MEMO1: variants seen among roughly 807,000 people sequenced by gnomAD.
The protein encoded by MEMO1 is protein MEMO1.
Under a neutral mutation model 45.2 loss-of-function variants are expected in MEMO1, and 6 were observed. That is an observed-to-expected ratio of 0.13 (90% CI 0.07 to 0.26). The LOEUF is 0.26. Among genes scored for constraint, MEMO1 ranks in the 10% least tolerant of loss-of-function variants. The pLI is 1.00. For missense variants in MEMO1, 184 were observed against 370.5 expected (o/e 0.50, Z 4.13); for synonymous variants, 78 against 124.3 (o/e 0.63, Z 2.48).
intron 3 of MEMO1, among the ~76,000 whole-genome samples, chr2:31,941,979 C>A (rs1377585702): frequency 6.6e-6 from 1 of 152,126 alleles, no homozygotes; most frequent in Admixed American, 6.5e-5. Flanking sequence ...AGGGCATGAA[C>A]CTTAACCCAA....
intron 2 of MEMO1, among the ~76,000 whole-genome samples, chr2:32,006,270 T>C (rs1008992686): frequency 6.6e-6 from 1 of 152,228 alleles, no homozygotes; most frequent in Non-Finnish European, 1.5e-5. Context: ...GGGATAGGAC[T>C]GGCAGAAGGA....
intron 2 of MEMO1, among the ~76,000 whole-genome samples, chr2:31,989,109 G>A (rs1188502376): frequency 6.6e-6 from 1 of 152,096 alleles, no homozygotes; most frequent in East Asian, 1.9e-4. Context: ...AGGAGGCTGA[G>A]GCAGGGGAAT....
At chr2:31,906,757 A>C (rs1403355643) in intron 6 of MEMO1, among the ~76,000 whole-genome samples, 1 of 152,180 alleles carries the variant, frequency 6.6e-6, no homozygotes. Flanking sequence ...ATCTGGTTCC[A>C]ATCTATTTTC....
chr2:31,912,293 G>A (rs935918976), intron 6 of MEMO1, among the ~76,000 whole-genome samples: 1 of 151,980 alleles, frequency 6.6e-6, no homozygotes, highest in Non-Finnish European at 1.5e-5. Context: ...CCAAGGTTGT[G>A]CCATGCCACT....
chr2:31,934,084 G>C (rs1664622316), intron 3 of MEMO1, among the ~76,000 whole-genome samples: 1 of 152,084 alleles, frequency 6.6e-6, no homozygotes, highest in African/African-American at 2.4e-5. Flanking sequence ...AAACCAGCTG[G>C]TCCATCTGGA....
chr2:32,009,988 G>T (rs972969980), intron 2 of MEMO1, among the ~76,000 whole-genome samples, 199 bp downstream of exon 2: 1 of 150,480 alleles, frequency 6.6e-6, no homozygotes, highest in Non-Finnish European at 1.5e-5. Flanking sequence ...CTGCCGGCGC[G>T]GGATGCCCGC....
At chr2:31,967,164 C>G (rs1290462026) in intron 2 of MEMO1, among the ~76,000 whole-genome samples, 2 of 150,868 alleles carry the variant, frequency 1.3e-5, no homozygotes, top group African/African-American at 4.9e-5. Context: ...CGCTTTGTTG[C>G]CCAGGCTGGA....
intron 5 of MEMO1, among the ~76,000 whole-genome samples, chr2:31,920,522 C>CT (rs1450532334): frequency 6.6e-6 from 1 of 152,092 alleles, no homozygotes; most frequent in Non-Finnish European, 1.5e-5. Context: ...TCCTGGTACA[C>CT]TGAGTACATG....
intron 8 of MEMO1, among the ~76,000 whole-genome samples, chr2:31,870,251 T>A (rs977352630): frequency 6.6e-6 from 1 of 152,032 alleles, no homozygotes; most frequent in Non-Finnish European, 1.5e-5. Flanking sequence ...TCCTCAAACA[T>A]TTCATAATAT....
Position 32,001,088 on chromosome 2 carries a change from G to A in MEMO1, c.61+9099C>T, listed in dbSNP as rs568926749. 1.8e-3 allele frequency among the ~76,000 whole-genome samples: 262 copies of A among 148,232 alleles called. 1 individual carries two copies. Among genetic ancestry groups the A allele is most frequent in the Non-Finnish European group, 2.7e-3 (181 of 67,406 alleles). ...GAGTCTCGCTCTCTCACCCAGGCGG[G>A]AGTGCAGTGGCGCAATCTCGGCTCA... On this transcript the variant is annotated intron_variant, in intron 2 of 9. Coordinates refer to ENST00000404530, the MANE Select transcript of MEMO1 (RefSeq NM_001301833.4).
chr2:31,924,082 G>C (rs537583739), intron 4 of MEMO1, among the ~76,000 whole-genome samples: 43 of 149,416 alleles, frequency 2.9e-4, no homozygotes, highest in Admixed American at 1.7e-3. Context: ...AAGAAAAAAA[G>C]GTTTAAGTCC....
chr2:31,987,253 C>A (rs1208311862), intron 2 of MEMO1, among the ~76,000 whole-genome samples: 1 of 152,162 alleles, frequency 6.6e-6, no homozygotes, highest in Non-Finnish European at 1.5e-5. Context: ...CCCACCTCAG[C>A]CCCCCACACT....
intron 8 of MEMO1, among the ~76,000 whole-genome samples, chr2:31,871,025 C>T (rs1673634174): frequency 6.6e-6 from 1 of 152,172 alleles, no homozygotes; most frequent in Non-Finnish European, 1.5e-5. Context: ...ATGACTTGAA[C>T]ATTAGTTTAC....
At chr2:32,000,058 T>A (rs1673092619) in intron 2 of MEMO1, among the ~76,000 whole-genome samples, 1 of 151,902 alleles carries the variant, frequency 6.6e-6, no homozygotes, top group Admixed American at 6.6e-5. Context: ...CTAATTTTTT[T>A]ATTTTTTGTA....
intron 2 of MEMO1, among the ~76,000 whole-genome samples, chr2:31,952,742 A>G (rs1340434274): frequency 6.6e-6 from 1 of 152,224 alleles, no homozygotes; most frequent in African/African-American, 2.4e-5. Context: ...AAGCATGCTC[A>G]GTACAGAAAA....
In MEMO1 at chr2:31,923,673, T is replaced by C. The variant is rs1003382049; in HGVS notation, c.213-2763A>G. On this transcript the variant is annotated intron_variant, in intron 4 of 9. Coordinates refer to ENST00000404530, the MANE Select transcript of MEMO1 (RefSeq NM_001301833.4). The stretch of plus-strand genomic sequence containing the variant: ...ATAATGAGAAAGGGCATTTTTCTGA[T>C]TGAGGAAAATATGAAAAGACAGAGA... 1.2e-5 allele frequency: 18 copies of C among 1,547,568 alleles called. No individual in the cohort carries two copies. The East Asian group carries it at 3.7e-4, about 32-fold the overall frequency.
At chr2:31,896,122 C>T (rs547693769) in intron 6 of MEMO1, among the ~76,000 whole-genome samples, 76 of 152,118 alleles carry the variant, frequency 5.0e-4, no homozygotes, top group Non-Finnish European at 1.0e-3. Flanking sequence ...GGATTACAGG[C>T]GTGAGCCACC....
intron 2 of MEMO1, among the ~76,000 whole-genome samples, chr2:31,952,428 C>G (rs1666944797): frequency 6.6e-6 from 1 of 152,158 alleles, no homozygotes; most frequent in Non-Finnish European, 1.5e-5. Flanking sequence ...TCAAAATTTT[C>G]AGAGCTAAAA....
intron 6 of MEMO1, among the ~76,000 whole-genome samples, chr2:31,901,444 A>C (rs1383376996): frequency 5.3e-5 from 8 of 152,048 alleles, no homozygotes; most frequent in Admixed American, 5.2e-4. Flanking sequence ...TGAATCTCAA[A>C]AACAGTATCC....
Sources: allele counts gnomAD v4.1 joint callset (sites outside exome capture counted in the v4.1 genomes callset), GRCh38; gene constraint gnomAD v4.1.1; transcripts MANE v1.5; gene names NCBI Gene and HGNC (gene_info 2026-07-23, HGNC 2026-07-21).